Variants in ZRANB3 observed in about 807,000 individuals in gnomAD.
ZRANB3 encodes the protein zinc finger RANBP2-type containing 3.
ZRANB3 carries 125 observed loss-of-function variants against 133.8 expected under a neutral mutation model. That is an observed-to-expected ratio of 0.93 (90% CI 0.81 to 1.08). The LOEUF (loss-of-function observed/expected upper bound fraction) is 1.08. Among genes scored for constraint, ZRANB3 ranks in the 50% least tolerant of loss-of-function variants. The pLI is 0.00. For synonymous variants in ZRANB3, 387 were observed against 432.7 expected, an observed-to-expected ratio of 0.89 and a Z score of 1.31; for missense variants, 1,229 against 1,275.5, an observed-to-expected ratio of 0.96 and a Z score of 0.56.
intron 2 of ZRANB3, among the ~76,000 whole-genome samples, chr2:135,413,183 G>T (rs949585517): frequency 6.6e-6 from 1 of 152,090 alleles, no homozygotes; most frequent in Non-Finnish European, 1.5e-5. Context: ...CCTTCCACGT[G>T]CTTCTGAACA....
Position 135,350,818 on chromosome 2 carries a change from T to A in ZRANB3, c.360-603A>T, listed in dbSNP as rs186811015. 3.3e-5 allele frequency among the ~76,000 whole-genome samples: 5 copies of A among 152,332 alleles called. No homozygotes were observed. The East Asian group carries it at 9.6e-4, about 29-fold the overall frequency. ...GAGATGATAAAATGTGAAGTGTGGTTAGAAGAAGCGGGTACCACCTCACAT... is the reference window on the plus strand; with the variant it reads ...GAGATGATAAAATGTGAAGTGTGGTAAGAAGAAGCGGGTACCACCTCACAT... On this transcript the variant is annotated intron_variant, in intron 4 of 20. Transcript: ENST00000264159.
intron 3 of ZRANB3, among the ~76,000 whole-genome samples, chr2:135,365,131 G>A (rs1685868750): frequency 1.3e-5 from 2 of 151,954 alleles, no homozygotes; most frequent in South Asian, 4.2e-4. Context: ...GCCAGGTGTG[G>A]TGGCGGGCAA....
chr2:135,371,614 G>A (rs1686182998), intron 3 of ZRANB3, among the ~76,000 whole-genome samples: 1 of 152,198 alleles, frequency 6.6e-6, no homozygotes, highest in Non-Finnish European at 1.5e-5. Context: ...AATTGAAGAT[G>A]CAATCAATTG....
At chr2:135,317,892 G>T (rs765398733) in intron 6 of ZRANB3, among the ~76,000 whole-genome samples, 5 of 152,116 alleles carry the variant, frequency 3.3e-5, no homozygotes, top group Non-Finnish European at 5.9e-5. Context: ...AATGCTAGTG[G>T]TGGCGTTTGT....
chr2:135,279,353 G>T (rs1239205202), intron 8 of ZRANB3, among the ~76,000 whole-genome samples: 1 of 152,122 alleles, frequency 6.6e-6, no homozygotes, highest in African/African-American at 2.4e-5. Context: ...TGAGAGTAGG[G>T]GCTGTTAAGA....
intron 6 of ZRANB3, among the ~76,000 whole-genome samples, chr2:135,342,636 T>A (rs962967788): frequency 6.7e-6 from 1 of 148,920 alleles, no homozygotes; most frequent in Admixed American, 6.6e-5. Flanking sequence ...AGTAAAAAAA[T>A]TTTTTCCTGA....
Position 135,203,043 on chromosome 2 carries a change from T to C in ZRANB3, c.3010-80A>G, listed in dbSNP as rs564697474. The C allele has an allele frequency of 1.3e-5, 19 of 1,510,500 alleles. No individual in the cohort carries two copies. The South Asian group carries it at 2.3e-4, about 19-fold the overall frequency. 93.6% of individuals were successfully genotyped at this position (1,510,500 alleles called of 1,614,324 possible). On this transcript the variant is annotated intron_variant, in intron 19 of 20. Coordinates refer to ENST00000264159, the MANE Select transcript of ZRANB3 (RefSeq NM_032143.4). The stretch of plus-strand genomic sequence containing the variant: ...GTTGGTTTTGCATTGTGCAATCATG[T>C]ATGTTTATACAGGAAAATCATGGGG...
chr2:135,260,579 G>GTA (rs993203809), intron 12 of ZRANB3, among the ~76,000 whole-genome samples: 5 of 146,832 alleles, frequency 3.4e-5, no homozygotes, highest in East Asian at 2.0e-4. Context: ...ATATATTCAA[G>GTA]TATATATATA....
chr2:135,300,446 C>T (rs924497900), intron 8 of ZRANB3, among the ~76,000 whole-genome samples: 1 of 152,048 alleles, frequency 6.6e-6, no homozygotes, highest in South Asian at 2.1e-4. Context: ...TCATTGAAAA[C>T]AAAAGTATTT....
In ZRANB3 at chr2:135,313,483, G is replaced by A; in HGVS notation, c.966+6C>T. 6.3e-7 allele frequency: 1 copy of A among 1,577,804 alleles called. No homozygotes were observed. On this transcript the variant is annotated splice_donor_region_variant and intron_variant, in intron 8 of 20. Coordinates refer to ENST00000264159, the MANE Select transcript of ZRANB3 (RefSeq NM_032143.4). ...GACAAATACATGATGGCCCAGCAAA[G>A]AGTACCTTGGCAATAGCAGTTTGTT...
Position 135,345,884 on chromosome 2 carries a change from T to C in ZRANB3, c.592-249A>G, listed in dbSNP as rs182650335. 1.8e-4 allele frequency among the ~76,000 whole-genome samples: 27 copies of C among 152,310 alleles called. No individual in the cohort carries two copies. The East Asian group carries it at 2.3e-3, about 13-fold the overall frequency. Reference sequence around the variant, plus strand: ...TTCACATAAGGAGGATCATATCATATATATTGTTACACTAGAATTTTGTCC... The same window carrying C: ...TTCACATAAGGAGGATCATATCATACATATTGTTACACTAGAATTTTGTCC... On this transcript the variant is annotated intron_variant, in intron 5 of 20. Transcript: ENST00000264159.
At chr2:135,379,566 C>G (rs1274870953) in intron 3 of ZRANB3, among the ~76,000 whole-genome samples, 1 of 152,142 alleles carries the variant, frequency 6.6e-6, no homozygotes, top group Non-Finnish European at 1.5e-5. Context: ...AACTAAGCTT[C>G]ACAAGTGAAG....
At chr2:135,289,054 C>T (rs1052473175) in intron 8 of ZRANB3, among the ~76,000 whole-genome samples, 4 of 151,824 alleles carry the variant, frequency 2.6e-5, no homozygotes, top group South Asian at 2.1e-4. Context: ...TTTTTGATGC[C>T]GGCATTTAAT....
chr2:135,433,924 G>A (rs1689422195), intron 2 of ZRANB3, among the ~76,000 whole-genome samples: 1 of 152,224 alleles, frequency 6.6e-6, no homozygotes, highest in Non-Finnish European at 1.5e-5. Context: ...TTGAACCTGG[G>A]AGGCGGAGGT....
chr2:135,514,830 A>C (rs938432160), intron 1 of ZRANB3, among the ~76,000 whole-genome samples: 1 of 151,902 alleles, frequency 6.6e-6, no homozygotes, highest in Non-Finnish European at 1.5e-5. Context: ...TAGTTTATTG[A>C]CAGTTTTTTT....
chr2:135,356,164 TA>T (rs577777629), intron 3 of ZRANB3, among the ~76,000 whole-genome samples: 155 of 144,490 alleles, frequency 1.1e-3, no homozygotes, highest in South Asian at 7.2e-3. Flanking sequence ...TAGGTAGAAT[TA>T]AAAAAAAAAA....
chr2:135,518,409 G>C (rs1448870853), intron 1 of ZRANB3, among the ~76,000 whole-genome samples: 1 of 152,162 alleles, frequency 6.6e-6, no homozygotes, highest in African/African-American at 2.4e-5. Flanking sequence ...GGAATCTCCT[G>C]GTCTGTGGGT....
intron 17 of ZRANB3, among the ~76,000 whole-genome samples, chr2:135,215,120 G>A (rs1010804428): frequency 1.3e-5 from 2 of 152,128 alleles, no homozygotes; most frequent in African/African-American, 4.8e-5. Context: ...GTCTCGCTAT[G>A]TTGACCAGTC....
chr2:135,481,970 T>G (rs1691838161), intron 2 of ZRANB3, among the ~76,000 whole-genome samples: 1 of 136,476 alleles, frequency 7.3e-6, no homozygotes, highest in Admixed American at 7.1e-5. Flanking sequence ...GTTCCATTGA[T>G]CTATATCTCT....
Sources: gnomAD v4.1 joint callset for allele counts (sites outside exome capture counted in the v4.1 genomes callset) on GRCh38, gnomAD v4.1.1 for gene constraint, MANE v1.5 for transcripts, NCBI Gene and HGNC (gene_info 2026-07-23, HGNC 2026-07-21) for gene names.